Variants in EPDR1 observed in about 807,000 individuals in gnomAD.
EPDR1 encodes the protein ependymin related 1, also known as mammalian ependymin-related protein 1.
In EPDR1, 27 loss-of-function variants were observed where a neutral mutation model predicts 23.7. The ratio of observed to expected loss-of-function variants is 1.14; its 90% CI spans 0.84 to 1.57. EPDR1 has a LOEUF of 1.57. Ranked by LOEUF, EPDR1 falls within the 40% of genes most tolerant of loss-of-function variation. EPDR1 has a pLI of 0.00. For synonymous variants in EPDR1, 137 were observed against 118.2 expected, an observed-to-expected ratio of 1.16 and a Z score of -1.03; for missense variants, 349 against 290.4, an observed-to-expected ratio of 1.20 and a Z score of -1.47.
chr7:37,943,819 A>T (rs1786218051), intron 1 of EPDR1, among the ~76,000 whole-genome samples: 1 of 152,206 alleles, frequency 6.6e-6, no homozygotes, highest in Non-Finnish European at 1.5e-5. Context: ...CGGGTCTAAA[A>T]TTCTCATTTT....
chr7:37,924,588 G>A (rs1201040341), intron 1 of EPDR1, among the ~76,000 whole-genome samples: 12 of 152,256 alleles, frequency 7.9e-5, no homozygotes, highest in South Asian at 4.2e-4. Context: ...GTCCCTTTGC[G>A]GTGATTTCTC....
intron 1 of EPDR1, among the ~76,000 whole-genome samples, chr7:37,941,124 T>C (rs879797037): frequency 1.3e-5 from 2 of 152,234 alleles, no homozygotes; most frequent in Non-Finnish European, 1.5e-5. Context: ...ATGACTTTAA[T>C]TGTTTGTCAT....
At chr7:37,949,311 T>G (rs1365064147) in intron 2 of EPDR1, among the ~76,000 whole-genome samples, 1 of 152,196 alleles carries the variant, frequency 6.6e-6, no homozygotes, top group East Asian at 1.9e-4. Context: ...TTTGACATTT[T>G]ATGGTCGTCC....
intron 1 of EPDR1, among the ~76,000 whole-genome samples, chr7:37,933,189 C>A (rs1352667476): frequency 6.6e-6 from 1 of 152,206 alleles, no homozygotes; most frequent in African/African-American, 2.4e-5. Flanking sequence ...GGCCGCGGCT[C>A]AATTCTTCCT....
intron 1 of EPDR1, among the ~76,000 whole-genome samples, chr7:37,925,569 T>A (rs1785796568): frequency 6.6e-6 from 1 of 152,224 alleles, no homozygotes; most frequent in South Asian, 2.1e-4. Flanking sequence ...ACCTCTTTTT[T>A]AAACAGAGAA....
intron 1 of EPDR1, among the ~76,000 whole-genome samples, chr7:37,944,416 A>G (rs938184352): frequency 1.3e-5 from 2 of 152,202 alleles, no homozygotes; most frequent in African/African-American, 4.8e-5. Flanking sequence ...GAGGAAGGTA[A>G]ATATGAGGCT....
intron 1 of EPDR1, among the ~76,000 whole-genome samples, chr7:37,924,634 C>T (rs181406708): frequency 3.3e-5 from 5 of 152,338 alleles, no homozygotes; most frequent in Non-Finnish European, 1.5e-5. Context: ...GCTGGTTTCA[C>T]AGTTAAACTT....
At chr7:37,930,965 C>T (rs1785924562) in intron 1 of EPDR1, among the ~76,000 whole-genome samples, 1 of 152,072 alleles carries the variant, frequency 6.6e-6, no homozygotes, top group Non-Finnish European at 1.5e-5. Flanking sequence ...CATTTTACTC[C>T]TTTCATAGTT....
intron 1 of EPDR1, among the ~76,000 whole-genome samples, chr7:37,922,927 A>G (rs954707726): frequency 9.9e-5 from 15 of 152,184 alleles, no homozygotes; most frequent in Non-Finnish European, 1.9e-4. Flanking sequence ...GTGAGTTCCA[A>G]AACACCTGTA....
rs985208471 is a variant in EPDR1, at chr7:37,921,314, T to G, written c.269+106T>G. On this transcript the variant is annotated intron_variant, in intron 1 of 2. Transcript: ENST00000199448. Reference sequence around the variant, plus strand: ...GTAACTCTTTCCGGCCCCTTGCAGCTCCTCCCTTCTCCCAGAGAGATCTTT... The same window carrying G: ...GTAACTCTTTCCGGCCCCTTGCAGCGCCTCCCTTCTCCCAGAGAGATCTTT... 25 of 1,437,286 alleles carry G rather than the reference T, an allele frequency of 1.7e-5. No individual in the cohort carries two copies. The African/African-American group carries it at 3.8e-4, about 22-fold the overall frequency. 89.0% of individuals were successfully genotyped at this position (1,437,286 alleles called of 1,614,324 possible).
At chr7:37,939,828 G>A (rs1786135742) in intron 1 of EPDR1, among the ~76,000 whole-genome samples, 1 of 152,110 alleles carries the variant, frequency 6.6e-6, no homozygotes, top group Non-Finnish European at 1.5e-5. Context: ...AAGAAAAAAG[G>A]CACTATAATA....
chr7:37,920,769 G>A lies in EPDR1; in HGVS notation c.-171G>A, dbSNP rs751131739. 5.6e-6 allele frequency: 9 copies of A among 1,609,538 alleles called. No homozygotes were observed. The highest frequency in any genetic ancestry group is 2.2e-5 in the East Asian group (1 of 44,732). On this transcript the variant is annotated 5_prime_UTR_variant, in exon 1 of 3. Transcript: ENST00000199448. ...CCTGGTCCCGGCTACCGGGACTCGC[G>A]CGTCCGGATCTCAAAAGCGGCAGAG...
chr7:37,930,146 C>T (rs1453568086), intron 1 of EPDR1, among the ~76,000 whole-genome samples: 1 of 152,196 alleles, frequency 6.6e-6, no homozygotes, highest in Admixed American at 6.5e-5. Flanking sequence ...TTTGTTGTGG[C>T]TTAAAGTTAG....
rs1256312066 is a variant in EPDR1, at chr7:37,920,654, CGGCAGAAGGCAGT to C, written c.-280_-268del. 8.9e-6 allele frequency: 14 copies of C among 1,574,026 alleles called. No individual in the cohort carries two copies. The South Asian group carries it at 1.0e-4, about 11-fold the overall frequency. ...CAGCAGTGAGCAGTGAAAACCGAAG[CGGCAGAAGGCAGT>C]GGCAGCAGGCAGTGGCAGCAGGCAG... On this transcript the variant is annotated 5_prime_UTR_variant, in exon 1 of 3. Coordinates refer to ENST00000199448, the MANE Select transcript of EPDR1 (RefSeq NM_017549.5).
chr7:37,948,059 G>A (rs1439386414), intron 1 of EPDR1, among the ~76,000 whole-genome samples: 1 of 152,222 alleles, frequency 6.6e-6, no homozygotes, highest in East Asian at 1.9e-4. Flanking sequence ...ATGACTGCTC[G>A]GCAGTGGAGG....
chr7:37,922,665 T>TTGG (rs145894040), intron 1 of EPDR1, among the ~76,000 whole-genome samples: 1 of 150,054 alleles, frequency 6.7e-6, no homozygotes. Context: ...TTGAGGAAGC[T>TTGG]AGGGGGGGGT....
intron 1 of EPDR1, among the ~76,000 whole-genome samples, chr7:37,945,534 G>A (rs184895240): frequency 1.4e-4 from 21 of 152,278 alleles, no homozygotes; most frequent in Non-Finnish European, 1.0e-4. Flanking sequence ...AGTCAATGAA[G>A]TGGTGGTCCC....
In EPDR1 at chr7:37,950,489, T is replaced by C. The variant is rs1786381233; in HGVS notation, c.*93T>C. The C allele has an allele frequency of 1.7e-6, 2 of 1,143,196 alleles. No homozygotes were observed. Among genetic ancestry groups the C allele is most frequent in the Admixed American group, 2.8e-5 (1 of 35,296 alleles). The allele number at this position is 1,143,196 out of a possible 1,614,324, so 70.8% of individuals were successfully genotyped here. A position where few individuals can be genotyped will look rare whatever the true frequency, so the allele number is the denominator to read the frequency against. On this transcript the variant is annotated 3_prime_UTR_variant, in exon 3 of 3. Transcript: ENST00000199448. ...AGACTAGTCAAGATGTGAATGCTAA[T>C]TGGAGAGAAATATAATTTTAGGAAG...
At chr7:37,935,142 G>C (rs1462144469) in intron 1 of EPDR1, among the ~76,000 whole-genome samples, 1 of 152,072 alleles carries the variant, frequency 6.6e-6, no homozygotes, top group Non-Finnish European at 1.5e-5. Flanking sequence ...TGTGAATTTT[G>C]GTATCTACAG....
Sources: allele counts gnomAD v4.1 joint callset (sites outside exome capture counted in the v4.1 genomes callset), GRCh38; gene constraint gnomAD v4.1.1; transcripts MANE v1.5; gene names NCBI Gene and HGNC (gene_info 2026-07-23, HGNC 2026-07-21).